CCDC152: variants seen among roughly 807,000 people sequenced by gnomAD.
CCDC152 encodes coiled-coil domain-containing protein 152.
Under a neutral mutation model 38.1 loss-of-function variants are expected in CCDC152, and 37 were observed. The ratio of observed to expected loss-of-function variants is 0.97; its 90% CI spans 0.75 to 1.28. CCDC152 has a LOEUF of 1.28. Among genes scored for constraint, CCDC152 ranks in the 50% most tolerant of loss-of-function variants. The probability of loss-of-function intolerance (pLI) is 0.00; values close to 1 mark genes in which losing one functional copy is unlikely to be tolerated. For synonymous variants in CCDC152, 83 were observed against 87.1 expected, an observed-to-expected ratio of 0.95 and a Z score of 0.26; for missense variants, 259 against 292.1, an observed-to-expected ratio of 0.89 and a Z score of 0.83.
At position 42,783,551 on chromosome 5, in the gene CCDC152, A is replaced by G; in HGVS notation, c.405A>G (p.Lys135=). 7.2e-7 allele frequency: 1 copy of G among 1,389,928 alleles called. No homozygotes were observed. The highest frequency in any genetic ancestry group is 9.4e-7 in the Non-Finnish European group (1 of 1,062,556). 86.1% of individuals were successfully genotyped at this position (1,389,928 alleles called of 1,614,324 possible). A position where few individuals can be genotyped will look rare whatever the true frequency, so the allele number is the denominator to read the frequency against. ...KEEGYKKEIS[K]LYQDMQRKVE... ...AGGGATATAAGAAAGAAATAAGCAA[A>G]CTTTATCAGGACATGCAGAGAAAAG... is the stretch of plus-strand genomic sequence containing the variant. The change falls in exon 6 of 9, where the codon AAA becomes AAG. Residue 135 remains lysine (K), a synonymous_variant. Coordinates refer to ENST00000361970, the MANE Select transcript of CCDC152 (RefSeq NM_001134848.2).
chr5:42,799,981 GT>G lies in CCDC152; in HGVS notation c.*203del. ...TAGTATTAACCATAAAGGAGGTCAG[GT>G]TTATAGGGTTTGGTTTACCTATTAA... is the stretch of plus-strand genomic sequence containing the variant. On this transcript the variant is annotated 3_prime_UTR_variant, in exon 9 of 9. Coordinates refer to ENST00000361970, the MANE Select transcript of CCDC152 (RefSeq NM_001134848.2). The G allele has an allele frequency of 1.8e-6, 1 of 561,858 alleles. No individual in the cohort carries two copies. Among genetic ancestry groups the G allele is most frequent in the Non-Finnish European group, 3.0e-6 (1 of 333,420 alleles). The allele number at this position is 561,858 out of a possible 1,614,324, so 34.8% of individuals were successfully genotyped here.
intron 6 of CCDC152, among the ~76,000 whole-genome samples, chr5:42,793,789 A>G (rs1275489717): frequency 1.3e-5 from 2 of 152,224 alleles, no homozygotes; most frequent in East Asian, 3.9e-4. Flanking sequence ...TTGTATTTTT[A>G]GTAGAGACAG....
intron 6 of CCDC152, among the ~76,000 whole-genome samples, chr5:42,788,142 T>C (rs1029163734): frequency 1.3e-5 from 2 of 152,104 alleles, no homozygotes; most frequent in African/African-American, 4.8e-5. Context: ...TGATGATGAA[T>C]ACCTTTAGCA....
chr5:42,769,615 ATATAATAAAAGGGC>A lies in CCDC152; in HGVS notation c.215_228del (p.Ile72ThrfsTer5). On this transcript the variant is annotated frameshift_variant, in exon 4 of 9. Transcript: ENST00000361970. LOFTEE classifies it high-confidence loss of function. ...ATTTCAGAATGTGCTACTCTTCATAATATAATAAAAGGGCTACAACAGACCATTGAATATCAACA... is the reference window on the plus strand; with the variant it reads ...ATTTCAGAATGTGCTACTCTTCATAATACAACAGACCATTGAATATCAACA... The A allele has an allele frequency of 6.7e-7, 1 of 1,492,530 alleles. No homozygotes were observed. The highest frequency in any genetic ancestry group is 1.3e-5 in the South Asian group (1 of 74,344). 92.5% of individuals were successfully genotyped at this position (1,492,530 alleles called of 1,614,324 possible).
At chr5:42,762,821 T>C (rs1172081358) in intron 3 of CCDC152, among the ~76,000 whole-genome samples, 1 of 152,218 alleles carries the variant, frequency 6.6e-6, no homozygotes, top group Admixed American at 6.5e-5. Flanking sequence ...AAATGGCCAA[T>C]TGAAGTCTCA....
intron 6 of CCDC152, among the ~76,000 whole-genome samples, chr5:42,787,375 T>C (rs1392122904): frequency 1.3e-5 from 2 of 152,168 alleles, no homozygotes; most frequent in Non-Finnish European, 2.9e-5. Context: ...AGCTACCTCC[T>C]CTTTTATATC....
At chr5:42,768,449 A>G (rs1250319639) in intron 3 of CCDC152, among the ~76,000 whole-genome samples, 1 of 152,250 alleles carries the variant, frequency 6.6e-6, no homozygotes, top group African/African-American at 2.4e-5. Context: ...AATTACCACT[A>G]CTATTGCTGT....
At chr5:42,758,663 A>G (rs1759511508) in intron 1 of CCDC152, among the ~76,000 whole-genome samples, 1 of 152,240 alleles carries the variant, frequency 6.6e-6, no homozygotes, top group East Asian at 1.9e-4. Context: ...CCCTTATACA[A>G]AATTACAAGA....
intron 4 of CCDC152, among the ~76,000 whole-genome samples, chr5:42,772,749 A>G (rs993930447): frequency 2.0e-5 from 3 of 152,144 alleles, no homozygotes; most frequent in African/African-American, 4.8e-5. Context: ...CAATGCTTTT[A>G]CAAGCCTTGA....
chr5:42,774,034 A>G (rs1303456124), intron 4 of CCDC152, among the ~76,000 whole-genome samples: 2 of 152,224 alleles, frequency 1.3e-5, no homozygotes, highest in Non-Finnish European at 2.9e-5. Context: ...TGCTAACAAC[A>G]AGTAAAACAT....
intron 5 of CCDC152, among the ~76,000 whole-genome samples, chr5:42,780,049 A>T (rs1759823466): frequency 6.6e-6 from 1 of 152,194 alleles, no homozygotes; most frequent in African/African-American, 2.4e-5. Flanking sequence ...GCAGTTGTAG[A>T]ACACATGAAC....
intron 4 of CCDC152, among the ~76,000 whole-genome samples, chr5:42,777,441 G>C (rs2014958): frequency 0.45 from 66,867 of 150,020 alleles, 15,111 homozygotes; most frequent in East Asian, 0.58. Context: ...CAGCCTGGGG[G>C]ACAAGAGCAA....
intron 4 of CCDC152, among the ~76,000 whole-genome samples, chr5:42,770,786 C>T (rs1759686877): frequency 6.6e-6 from 1 of 151,844 alleles, no homozygotes; most frequent in Admixed American, 6.6e-5. Context: ...CTTTCATTTC[C>T]TTCATCAATG....
chr5:42,757,312 A>G (rs1474391339), intron 1 of CCDC152, among the ~76,000 whole-genome samples: 2 of 152,076 alleles, frequency 1.3e-5, no homozygotes, highest in Non-Finnish European at 2.9e-5. Context: ...GAGGGACCAG[A>G]GCGTGGGGCA....
chr5:42,759,901 G>A (rs533643403), intron 2 of CCDC152, among the ~76,000 whole-genome samples: 1 of 152,174 alleles, frequency 6.6e-6, no homozygotes, highest in Admixed American at 6.5e-5. Context: ...GTATGTAGAG[G>A]TAAAAACATA....
At chr5:42,760,839 A>T (rs1221888891) in intron 2 of CCDC152, among the ~76,000 whole-genome samples, 2 of 152,218 alleles carry the variant, frequency 1.3e-5, no homozygotes, top group African/African-American at 4.8e-5. Context: ...AAGAGAAAGG[A>T]ATAAGAAGCA....
chr5:42,800,918 G>C lies in CCDC152; in HGVS notation c.*1137G>C. ...GGAGGTTTTCTTTACACTGTCAGGTGATTGCAGACCCTGTTTTTTCAAATA... is the reference window on the plus strand; with the variant it reads ...GGAGGTTTTCTTTACACTGTCAGGTCATTGCAGACCCTGTTTTTTCAAATA... On this transcript the variant is annotated 3_prime_UTR_variant, in exon 9 of 9. Coordinates refer to ENST00000361970, the MANE Select transcript of CCDC152 (RefSeq NM_001134848.2). 6.2e-7 allele frequency: 1 copy of C among 1,614,198 alleles called. No individual in the cohort carries two copies. The highest frequency in any genetic ancestry group is 8.5e-7 in the Non-Finnish European group (1 of 1,180,038).
At chr5:42,788,565 T>A (rs567442414) in intron 6 of CCDC152, among the ~76,000 whole-genome samples, 1 of 152,148 alleles carries the variant, frequency 6.6e-6, no homozygotes, top group South Asian at 2.1e-4. Context: ...TGGTCCTTCA[T>A]CTGTATGTCT....
rs1321684402 is a variant in CCDC152, at chr5:42,769,471, AG to A, written c.194-124del. The A allele has an allele frequency of 3.6e-6, 4 of 1,114,574 alleles. No homozygotes were observed. In the African/African-American group the frequency reaches 6.6e-5, roughly 18 times the overall value. The allele number at this position is 1,114,574 out of a possible 1,614,324, so 69.0% of individuals were successfully genotyped here. On this transcript the variant is annotated intron_variant, in intron 3 of 8. Coordinates refer to ENST00000361970, the MANE Select transcript of CCDC152 (RefSeq NM_001134848.2). ...TCCTGCCTCAGCCTCTTGAGTCAAT[AG>A]GACTACAAGGCACACATCACCATGC...
Sources: gnomAD v4.1 joint callset for allele counts (sites outside exome capture counted in the v4.1 genomes callset) on GRCh38, gnomAD v4.1.1 for gene constraint, MANE v1.5 for transcripts, NCBI Gene and HGNC (gene_info 2026-07-23, HGNC 2026-07-21) for gene names.